Variants in ZNF875 observed in about 807,000 individuals in gnomAD.
ZNF875 encodes zinc finger protein 875, also known as HKR1, GLI-Kruppel zinc finger family member.
ZNF875 carries 14 observed loss-of-function variants against 11.2 expected under a neutral mutation model. The observed-to-expected ratio is 1.26, with a 90% CI of 0.83 to 1.96. The LOEUF is 1.96. ZNF875 is among the 30% of genes most tolerant of loss of function. The probability of loss-of-function intolerance (pLI) is 0.00; values close to 1 mark genes in which losing one functional copy is unlikely to be tolerated. For synonymous variants in ZNF875, 301 were observed against 281.1 expected (o/e 1.07, Z -0.71); for missense variants, 752 against 760.4 (o/e 0.99, Z 0.13).
At chr19:37,333,449 A>G (rs1366458902), upstream of ZNF875, among the ~76,000 whole-genome samples, 4 of 152,184 alleles carry the variant, frequency 2.6e-5, no homozygotes, top group East Asian at 7.7e-4. Context: ...CACCCTCTCA[A>G]TGGGAGAGGC....
intron 1 of ZNF875, among the ~76,000 whole-genome samples, chr19:37,318,670 C>T (rs1038415882): frequency 2.6e-5 from 4 of 151,842 alleles, no homozygotes; most frequent in Non-Finnish European, 4.4e-5. Flanking sequence ...TACAGGCGCC[C>T]GCCACCACGT....
upstream of ZNF875, among the ~76,000 whole-genome samples, chr19:37,332,100 A>G (rs865808820): frequency 1.8e-3 from 258 of 143,358 alleles, 3 homozygotes; most frequent in African/African-American, 6.2e-3. Flanking sequence ...CTATGATGCA[A>G]AGACCTTTGT....
At chr19:37,357,265 G>T (rs2039077303) in intron 4 of ZNF875, among the ~76,000 whole-genome samples, 1 of 152,118 alleles carries the variant, frequency 6.6e-6, no homozygotes, top group Non-Finnish European at 1.5e-5. Context: ...GATATTTCCA[G>T]CTTTGTTCTT....
chr19:37,322,731 A>G (rs1293613844), intron 2 of ZNF875, among the ~76,000 whole-genome samples: 1 of 152,294 alleles, frequency 6.6e-6, no homozygotes, highest in East Asian at 1.9e-4. Flanking sequence ...AATTGAAGAA[A>G]TGCAGCTGTA....
upstream of ZNF875, chr19:37,315,599 AAAAGAGG>A (rs996100148): frequency 6.6e-6 from 1 of 152,166 alleles, no homozygotes; most frequent in African/African-American, 2.4e-5. Context: ...ATAACCACAC[AAAAGAGG>A]AGTTTGCTGA....
chr19:37,358,133 C>CTGTTTT (rs2039239525), intron 4 of ZNF875: 1 of 85,028 alleles, frequency 1.2e-5, no homozygotes, highest in Non-Finnish European at 2.1e-5. Context: ...TTAAGATGAT[C>CTGTTTT]TTTTTTTTTT....
intron 2 of ZNF875, among the ~76,000 whole-genome samples, chr19:37,339,044 C>A (rs570574074): frequency 6.6e-6 from 1 of 152,136 alleles, no homozygotes; most frequent in Admixed American, 6.5e-5. Flanking sequence ...TGGTGCCATA[C>A]AACAAACTTG....
chr19:37,329,245 C>T (rs1328553572), intron 4 of ZNF875: 8 of 152,140 alleles, frequency 5.3e-5, no homozygotes, highest in African/African-American at 1.9e-4. Flanking sequence ...TTATTTGAAG[C>T]ATGTCTTTCA....
At chr19:37,329,995 C>T (rs2033129915), upstream of ZNF875, among the ~76,000 whole-genome samples, 1 of 152,070 alleles carries the variant, frequency 6.6e-6, no homozygotes, top group Non-Finnish European at 1.5e-5. Flanking sequence ...TGCCCATTTT[C>T]CTTCTCTGCC....
upstream of ZNF875, among the ~76,000 whole-genome samples, chr19:37,331,503 T>C (rs1262343923): frequency 1.3e-5 from 2 of 151,122 alleles, no homozygotes; most frequent in East Asian, 2.0e-4. Flanking sequence ...CTTGAGATTC[T>C]GTTAATCTAT....
chr19:37,320,390 T>C (rs1236725628), intron 1 of ZNF875, among the ~76,000 whole-genome samples: 3 of 152,244 alleles, frequency 2.0e-5, no homozygotes, highest in African/African-American at 7.2e-5. Flanking sequence ...GCCTTCATGG[T>C]TGTCACTGCT....
chr19:37,327,648 C>T (rs1018763681), intron 4 of ZNF875, among the ~76,000 whole-genome samples: 2 of 151,350 alleles, frequency 1.3e-5, no homozygotes, highest in African/African-American at 4.9e-5. Context: ...GCCTGTAATC[C>T]CAGCTACTTG....
chr19:37,334,665 C>T lies in ZNF875; in HGVS notation c.-174C>T, dbSNP rs1401259502. ...GTCAGAAACACTTCCGGTCGGTGGC[C>T]CAGGCGCGTTAAGCTGGTTGGGACC... is the stretch of plus-strand genomic sequence containing the variant. On this transcript the variant is annotated 5_prime_UTR_variant, in exon 1 of 5. Transcript: ENST00000392153. The T allele has an allele frequency of 1.8e-5, 8 of 455,890 alleles. No individual in the cohort carries two copies. The highest frequency in any genetic ancestry group is 4.0e-5 in the African/African-American group (2 of 50,068). The allele number at this position is 455,890 out of a possible 1,614,324, so 28.2% of individuals were successfully genotyped here. A position where few individuals can be genotyped will look rare whatever the true frequency, so the allele number is the denominator to read the frequency against.
chr19:37,348,786 C>G (rs1031456273), intron 4 of ZNF875, among the ~76,000 whole-genome samples: 2 of 152,136 alleles, frequency 1.3e-5, no homozygotes, highest in African/African-American at 4.8e-5. Context: ...ACCCGTTTAT[C>G]TAGGATATGT....
intron 2 of ZNF875, among the ~76,000 whole-genome samples, chr19:37,339,586 A>G (rs1265270588): frequency 8.2e-6 from 1 of 122,028 alleles, no homozygotes; most frequent in Non-Finnish European, 1.6e-5. Flanking sequence ...TCGCTCTGTC[A>G]CTCTGTCCCA....
upstream of ZNF875, chr19:37,334,583 A>G (rs1326982815): frequency 2.4e-6 from 1 of 418,424 alleles, no homozygotes; most frequent in Non-Finnish European, 4.8e-6. Context: ...TACAATCCCC[A>G]GAGGCCTCTG....
intron 4 of ZNF875, among the ~76,000 whole-genome samples, chr19:37,348,284 A>G (rs1377597163): frequency 6.6e-6 from 1 of 152,226 alleles, no homozygotes; most frequent in Non-Finnish European, 1.5e-5. Context: ...TACTTAAGCT[A>G]TGACTAATAA....
chr19:37,333,593 C>G (rs1472972371), upstream of ZNF875, among the ~76,000 whole-genome samples: 1 of 151,850 alleles, frequency 6.6e-6, no homozygotes. Flanking sequence ...CTTGGAGGTG[C>G]CTTGTGGGTG....
rs1156668739 is a variant in ZNF875, at chr19:37,360,052, G to C, written c.257-2057G>C. ...ACTGGTTTCTTCTAGAAGTTTTACA[G>C]TTTTAGCTCTTACATTTAGAGCTAC... is the stretch of plus-strand genomic sequence containing the variant. On this transcript the variant is annotated intron_variant, in intron 4 of 4. Coordinates refer to ENST00000392153, the MANE Select transcript of ZNF875 (RefSeq NM_001353803.2). Among the ~76,000 whole-genome samples the C allele has an allele frequency of 5.9e-5, 9 of 152,270 alleles. No individual in the cohort carries two copies. In the East Asian group the frequency reaches 1.7e-3, roughly 29 times the overall value.
Sources: gnomAD v4.1 joint callset for allele counts (sites outside exome capture counted in the v4.1 genomes callset) on GRCh38, gnomAD v4.1.1 for gene constraint, MANE v1.5 for transcripts, NCBI Gene and HGNC (gene_info 2026-07-23, HGNC 2026-07-21) for gene names.